BEND5: variants seen among roughly 807,000 people sequenced by gnomAD.
The protein encoded by BEND5 is BEN domain-containing protein 5.
Under a neutral mutation model 43.9 loss-of-function variants are expected in BEND5, and 22 were observed. The ratio of observed to expected loss-of-function variants is 0.50; its 90% CI spans 0.36 to 0.72. The LOEUF (loss-of-function observed/expected upper bound fraction) is 0.72, where lower values mean the gene tolerates loss of function less well. BEND5 is among the 30% of genes least tolerant of loss of function. The pLI, the probability that BEND5 is intolerant of heterozygous loss-of-function variation, is 0.00. For synonymous variants in BEND5, 228 were observed against 225.9 expected (o/e 1.01, Z -0.08); for missense variants, 428 against 550.6 (o/e 0.78, Z 2.23).
Position 48,736,562 on chromosome 1 carries a change from T to C in BEND5, c.895-110A>G, listed in dbSNP as rs1649091374. On this transcript the variant is annotated intron_variant, in intron 4 of 5. Coordinates refer to ENST00000371833, the MANE Select transcript of BEND5 (RefSeq NM_024603.4). The surrounding 1 kb of genome is among the most constrained non-coding windows in gnomAD (Gnocchi z 4.0). ...GCACAACTGTAAGAGATTCATGTCA[T>C]AAATATGAAATTAACTCTCTTTAAG... 1.1e-6 allele frequency: 1 copy of C among 940,302 alleles called. No individual in the cohort carries two copies. Among genetic ancestry groups the C allele is most frequent in the South Asian group, 1.5e-5 (1 of 64,580 alleles). 58.2% of individuals were successfully genotyped at this position (940,302 alleles called of 1,614,324 possible). A position where few individuals can be genotyped will look rare whatever the true frequency, so the allele number is the denominator to read the frequency against.
In BEND5 at chr1:48,730,345, C is replaced by T. The variant is rs557939004; in HGVS notation, c.1109-2302G>A. Among the ~76,000 whole-genome samples the T allele has an allele frequency of 6.6e-5, 10 of 152,272 alleles. No individual in the cohort carries two copies. The East Asian group carries it at 1.9e-3, about 29-fold the overall frequency. ...TGAGATATTCGTATCTGATTCTAAC[C>T]CTAGATGCTGTGCAACCTCTAGGGG... On this transcript the variant is annotated intron_variant, in intron 5 of 5. Coordinates refer to ENST00000371833, the MANE Select transcript of BEND5 (RefSeq NM_024603.4).
chr1:48,728,599 T>C (rs919619108), intron 5 of BEND5, among the ~76,000 whole-genome samples: 1 of 152,042 alleles, frequency 6.6e-6, no homozygotes, highest in Non-Finnish European at 1.5e-5. Flanking sequence ...TCTATCACAA[T>C]TTGTTTTATC....
At chr1:48,769,194 G>A (rs1644681050) in intron 1 of BEND5, among the ~76,000 whole-genome samples, 1 of 152,198 alleles carries the variant, frequency 6.6e-6, no homozygotes, top group Non-Finnish European at 1.5e-5. Context: ...GGTAACAGTA[G>A]ATGAGCTAGA....
At chr1:48,775,775 G>A (rs1388440464) in intron 1 of BEND5, among the ~76,000 whole-genome samples, 1 of 152,214 alleles carries the variant, frequency 6.6e-6, no homozygotes, top group African/African-American at 2.4e-5. Context: ...CCTCATCTAC[G>A]AAATGGAGAT....
At chr1:48,746,436 C>T (rs1405395432) in intron 3 of BEND5, among the ~76,000 whole-genome samples, 3 of 152,206 alleles carry the variant, frequency 2.0e-5, no homozygotes, top group African/African-American at 4.8e-5. Flanking sequence ...AGGTTCACGA[C>T]GGTCCCCTCA....
chr1:48,774,860 G>T (rs1645000156), intron 1 of BEND5, among the ~76,000 whole-genome samples: 1 of 152,188 alleles, frequency 6.6e-6, no homozygotes. Flanking sequence ...GAGGAAAACA[G>T]CCATTACACA....
chr1:48,760,171 T>C (rs1334984907), intron 2 of BEND5, among the ~76,000 whole-genome samples: 1 of 152,204 alleles, frequency 6.6e-6, no homozygotes, highest in Non-Finnish European at 1.5e-5. Context: ...AAGAGAATTA[T>C]CCAGGACCCC....
chr1:48,750,903 A>C (rs1241844666), intron 3 of BEND5, among the ~76,000 whole-genome samples: 3 of 152,120 alleles, frequency 2.0e-5, no homozygotes, highest in African/African-American at 7.2e-5. Context: ...ATTACCCCCC[A>C]CACTCAGAGT....
chr1:48,766,539 C>A (rs951317377), intron 1 of BEND5, among the ~76,000 whole-genome samples: 2 of 152,220 alleles, frequency 1.3e-5, no homozygotes, highest in Non-Finnish European at 2.9e-5. Context: ...ACAACAGAAA[C>A]AAGTTGTGGC....
At chr1:48,763,609 A>G (rs1478752004) in intron 1 of BEND5, among the ~76,000 whole-genome samples, 1 of 152,118 alleles carries the variant, frequency 6.6e-6, no homozygotes, top group Non-Finnish European at 1.5e-5. Flanking sequence ...AGTTGAGGGC[A>G]AAGTCTGACA....
chr1:48,761,307 T>C (rs1452691121), intron 2 of BEND5, 30 bp downstream of exon 2: 14 of 1,535,924 alleles, frequency 9.1e-6, no homozygotes, highest in Middle Eastern at 1.7e-4. Context: ...TGCTCCAGCA[T>C]ACCTCCAAAG....
rs551542655 is a variant in BEND5, at chr1:48,737,154, C to T, written c.895-702G>A. On this transcript the variant is annotated intron_variant, in intron 4 of 5. Transcript: ENST00000371833. ...AAAAAATTAGCCAGGTGTGGTGGCA[C>T]GCACCTGTAGTCCCAGCTGCTTGGG... Among the ~76,000 whole-genome samples, 41 of 152,108 alleles carry T rather than the reference C, an allele frequency of 2.7e-4. 1 individual carries two copies. Among genetic ancestry groups the T allele is most frequent in the African/African-American group, 8.7e-4 (36 of 41,484 alleles).
At chr1:48,748,883 C>T (rs1262589069) in intron 3 of BEND5, among the ~76,000 whole-genome samples, 1 of 152,070 alleles carries the variant, frequency 6.6e-6, no homozygotes, top group Non-Finnish European at 1.5e-5. Flanking sequence ...CAGGAGCAGG[C>T]TTCGTTGGGC....
chr1:48,757,009 TTTA>T (rs1184125045), intron 3 of BEND5, among the ~76,000 whole-genome samples: 1 of 152,172 alleles, frequency 6.6e-6, no homozygotes, highest in Non-Finnish European at 1.5e-5. Flanking sequence ...TTCTACATGT[TTTA>T]GGACTAAAAG....
chr1:48,763,176 GAA>G (rs905372409), intron 1 of BEND5, among the ~76,000 whole-genome samples: 2 of 151,732 alleles, frequency 1.3e-5, no homozygotes, highest in African/African-American at 2.4e-5. Context: ...GAACTGCTCA[GAA>G]AAAAAAGAGG....
In BEND5 at chr1:48,736,162, A is replaced by C. The variant is rs919121579; in HGVS notation, c.1108+77T>G. On this transcript the variant is annotated intron_variant, in intron 5 of 5. Coordinates refer to ENST00000371833, the MANE Select transcript of BEND5 (RefSeq NM_024603.4). The surrounding 1 kb of genome is among the most constrained non-coding windows in gnomAD (Gnocchi z 4.0). ...CAGAAGCTTCATAAGTAATCGTTGAATTGAATTGTGCCTAACACATTCTTG... is the reference window on the plus strand; with the variant it reads ...CAGAAGCTTCATAAGTAATCGTTGACTTGAATTGTGCCTAACACATTCTTG... The C allele has an allele frequency of 5.4e-6, 8 of 1,489,418 alleles. No homozygotes were observed. Among genetic ancestry groups the C allele is most frequent in the Non-Finnish European group, 7.5e-6 (8 of 1,071,176 alleles). 92.3% of individuals were successfully genotyped at this position (1,489,418 alleles called of 1,614,324 possible).
intron 3 of BEND5, among the ~76,000 whole-genome samples, chr1:48,745,544 C>G (rs1650602726): frequency 6.6e-6 from 1 of 152,180 alleles, no homozygotes; most frequent in African/African-American, 2.4e-5. Context: ...TGGCCTAACC[C>G]TCTCCACACA....
chr1:48,771,315 A>C (rs1316071422), intron 1 of BEND5, among the ~76,000 whole-genome samples: 2 of 152,206 alleles, frequency 1.3e-5, no homozygotes, highest in Non-Finnish European at 2.9e-5. Flanking sequence ...CAAAGACCCC[A>C]ATCTGAATTC....
In BEND5 at chr1:48,772,362, G is replaced by C. The variant is rs146888741; in HGVS notation, c.226+4244C>G. 1.4e-4 allele frequency among the ~76,000 whole-genome samples: 21 copies of C among 152,326 alleles called. No homozygotes were observed. In the East Asian group the frequency reaches 1.7e-3, roughly 13 times the overall value. On this transcript the variant is annotated intron_variant, in intron 1 of 5. Transcript: ENST00000371833. ...TCCACTCCTTTATCACAGGTGGAGG[G>C]GGGCTGGACCACAAACTTCTGTCAC...
Sources: gnomAD v4.1 joint callset for allele counts (sites outside exome capture counted in the v4.1 genomes callset) on GRCh38, gnomAD v4.1.1 for gene constraint, Gnocchi (gnomAD v3.1) non-coding constraint, MANE v1.5 for transcripts, NCBI Gene and HGNC (gene_info 2026-07-23, HGNC 2026-07-21) for gene names.